The following CLSTN2 variants were observed in gnomAD, a reference collection of about 807,000 sequenced individuals.
CLSTN2 encodes the protein calsyntenin-2.
In CLSTN2, 48 loss-of-function variants were observed where a neutral mutation model predicts 101.2. The ratio of observed to expected loss-of-function variants is 0.47; its 90% CI spans 0.38 to 0.60. CLSTN2 has a LOEUF of 0.60. Among genes scored for constraint, CLSTN2 ranks in the 20% least tolerant of loss-of-function variants. The pLI is 0.00. For synonymous variants in CLSTN2, 481 were observed against 463.6 expected (o/e 1.04, Z -0.48); for missense variants, 1,160 against 1,238.2 (o/e 0.94, Z 0.95).
At chr3:140,217,535 A>G (rs960318374) in intron 2 of CLSTN2, among the ~76,000 whole-genome samples, 4 of 152,262 alleles carry the variant, frequency 2.6e-5, no homozygotes, top group Admixed American at 2.6e-4. Context: ...TGTTCATGAC[A>G]AAAATAGGAA....
intron 8 of CLSTN2, among the ~76,000 whole-genome samples, chr3:140,517,121 T>G (rs1934936051): frequency 6.6e-6 from 1 of 152,202 alleles, no homozygotes; most frequent in Admixed American, 6.5e-5. Flanking sequence ...ATTCTACTGT[T>G]GAGACTTTCC....
chr3:140,558,828 C>G lies in CLSTN2; in HGVS notation c.2012C>G (p.Thr671Ser). 1 of 1,613,942 alleles carries G rather than the reference C, an allele frequency of 6.2e-7. No individual in the cohort carries two copies. The highest frequency in any genetic ancestry group is 8.5e-7 in the Non-Finnish European group (1 of 1,179,988). Residue 671 changes from threonine (T) to serine (S), a missense_variant, in exon 12 of 17, where the codon ACC becomes AGC. Physicochemically the swap from Thr to Ser is moderately conservative, Grantham distance 58 (BLOSUM62 1). Transcript: ENST00000458420. The stretch of plus-strand genomic sequence containing the variant: ...AAGATTGTGAGCACCTTCGCCAAAA[C>G]CGAAGCCCCCGGGGACGTGAAAACC... The part of the protein sequence containing the change: ...DIKIVSTFAK[T>S]EAPGDVKTTD...
intron 1 of CLSTN2, among the ~76,000 whole-genome samples, chr3:140,002,820 A>C (rs769689408): frequency 2.7e-5 from 4 of 149,240 alleles, no homozygotes; most frequent in Non-Finnish European, 4.5e-5. Flanking sequence ...AAGAGACTGT[A>C]TTTTCCCCCC....
intron 4 of CLSTN2, among the ~76,000 whole-genome samples, chr3:140,411,785 G>A (rs769635616): frequency 3.9e-5 from 6 of 152,162 alleles, no homozygotes; most frequent in Non-Finnish European, 7.3e-5. Context: ...GGATCCCTTC[G>A]AGGCAGCCTT....
rs1290360293 is a variant in CLSTN2 at position 139,998,335 on chromosome 3, C to CTTTTTTTTTTTTTTTTTTT, written c.109+62852_109+62853insTTTTTTTTTTTTTTTTTTT. On this transcript the variant is annotated intron_variant, in intron 1 of 16. Coordinates refer to ENST00000458420, the MANE Select transcript of CLSTN2 (RefSeq NM_022131.3). ...AATGGGATAATAGTTCCCCCACATGCCTTTTTTTTTTTTTTTTTTTTGTGA... is the reference window on the plus strand; with the variant it reads ...AATGGGATAATAGTTCCCCCACATGCTTTTTTTTTTTTTTTTTTTCTTTTTTTTTTTTTTTTTTTTGTGA... Among the ~76,000 whole-genome samples, 2 of 20,432 alleles carry CTTTTTTTTTTTTTTTTTTT rather than the reference C, an allele frequency of 9.8e-5. 1 individual carries two copies. The highest frequency in any genetic ancestry group is 1.6e-4 in the Non-Finnish European group (2 of 12,752). The allele number at this position is 20,432 out of a possible 152,430, so 13.4% of individuals were successfully genotyped here. A position where few individuals can be genotyped will look rare whatever the true frequency, so the allele number is the denominator to read the frequency against.
intron 2 of CLSTN2, among the ~76,000 whole-genome samples, chr3:140,362,689 G>T (rs930346116): frequency 8.5e-5 from 13 of 152,064 alleles, no homozygotes; most frequent in Admixed American, 6.6e-5. Context: ...AAGATATAAG[G>T]ATGTTCAATA....
chr3:140,356,627 G>T (rs1320693441), intron 2 of CLSTN2, among the ~76,000 whole-genome samples: 1 of 151,848 alleles, frequency 6.6e-6, no homozygotes, highest in Non-Finnish European at 1.5e-5. Flanking sequence ...GTGTGGTGAC[G>T]CACGCCTGTC....
At chr3:139,951,854 T>C (rs1935301354) in intron 1 of CLSTN2, among the ~76,000 whole-genome samples, 1 of 152,196 alleles carries the variant, frequency 6.6e-6, no homozygotes, top group Non-Finnish European at 1.5e-5. Flanking sequence ...TCAATACTGA[T>C]ATTTCAGAGA....
chr3:140,493,637 A>G (rs1446875843), intron 8 of CLSTN2, among the ~76,000 whole-genome samples: 1 of 152,240 alleles, frequency 6.6e-6, no homozygotes, highest in African/African-American at 2.4e-5. Flanking sequence ...CCAGGTCATA[A>G]TATAACAGAA....
At chr3:140,114,357 G>A (rs977727037) in intron 1 of CLSTN2, among the ~76,000 whole-genome samples, 2 of 152,018 alleles carry the variant, frequency 1.3e-5, no homozygotes, top group African/African-American at 4.8e-5. Context: ...CTGCCCCATG[G>A]TGCTCCCGCT....
chr3:140,125,955 GC>G (rs1322254412), intron 1 of CLSTN2, among the ~76,000 whole-genome samples: 2 of 152,172 alleles, frequency 1.3e-5, no homozygotes, highest in Admixed American at 6.5e-5. Context: ...GGGGCAGGGG[GC>G]TGGAGGGCCC....
intron 2 of CLSTN2, among the ~76,000 whole-genome samples, chr3:140,207,287 A>G (rs2010796527): frequency 1.3e-5 from 2 of 152,214 alleles, no homozygotes; most frequent in Admixed American, 6.5e-5. Flanking sequence ...ATGCCTTAGT[A>G]AGAAACTTCA....
In CLSTN2 at chr3:140,176,085, G is replaced by A. The variant is rs370618395; in HGVS notation, c.232+12G>A. ...GGTTCCTTTTGCAGGTGAGATTATG[G>A]CTTCGTACGGCTGGGCCTGGCTCAC... On this transcript the variant is annotated intron_variant, in intron 2 of 16. Transcript: ENST00000458420. The A allele has an allele frequency of 3.8e-5, 61 of 1,613,158 alleles. No individual in the cohort carries two copies. In the Middle Eastern group the frequency reaches 4.9e-4, roughly 13 times the overall value.
At chr3:140,049,209 G>A (rs190121004) in intron 1 of CLSTN2, among the ~76,000 whole-genome samples, 17 of 152,330 alleles carry the variant, frequency 1.1e-4, no homozygotes, top group African/African-American at 3.4e-4. Flanking sequence ...TCACCTTCAC[G>A]TCTTTCCCCT....
intron 2 of CLSTN2, among the ~76,000 whole-genome samples, chr3:140,370,119 G>A (rs2087834263): frequency 6.6e-6 from 1 of 152,208 alleles, no homozygotes; most frequent in Non-Finnish European, 1.5e-5. Flanking sequence ...CAGGGACTGG[G>A]TGGTCCAGAG....
intron 1 of CLSTN2, among the ~76,000 whole-genome samples, chr3:140,032,130 G>C (rs2107760237): frequency 6.6e-6 from 1 of 152,164 alleles, no homozygotes; most frequent in African/African-American, 2.4e-5. Context: ...GCATAGACTT[G>C]TCATGAAAGT....
At chr3:140,248,646 G>A (rs1347779049) in intron 2 of CLSTN2, among the ~76,000 whole-genome samples, 2 of 152,208 alleles carry the variant, frequency 1.3e-5, no homozygotes, top group African/African-American at 4.8e-5. Context: ...AGATCCACAG[G>A]CGTGGAGGCC....
At chr3:140,114,463 C>G (rs1051298795) in intron 1 of CLSTN2, among the ~76,000 whole-genome samples, 8 of 152,128 alleles carry the variant, frequency 5.3e-5, no homozygotes, top group Non-Finnish European at 7.3e-5. Flanking sequence ...TCTTGGGCAA[C>G]AGGTTTCTGT....
intron 5 of CLSTN2, among the ~76,000 whole-genome samples, chr3:140,437,755 A>T (rs1352811064): frequency 1.3e-5 from 2 of 152,220 alleles, no homozygotes; most frequent in African/African-American, 4.8e-5. Context: ...GACTGCCATG[A>T]TATTTTTAAT....
Sources: allele counts gnomAD v4.1 joint callset (sites outside exome capture counted in the v4.1 genomes callset), GRCh38; gene constraint gnomAD v4.1.1; transcripts MANE v1.5; gene names NCBI Gene and HGNC (gene_info 2026-07-23, HGNC 2026-07-21).